The following FLII variants were observed in gnomAD, a reference collection of about 807,000 sequenced individuals.
FLII encodes FLII actin remodeling protein, also known as protein flightless-1 homolog.
A neutral mutation model predicts 156.2 loss-of-function variants in FLII; 101 were observed. The ratio of observed to expected loss-of-function variants is 0.65; its 90% confidence interval spans 0.55 to 0.76. FLII has a LOEUF of 0.76. FLII is among the 30% of genes least tolerant of loss of function. FLII has a pLI of 0.00. For missense variants in FLII, 1,675 were observed against 1,682.8 expected (o/e 1.00, Z 0.08); for synonymous variants, 767 against 685.8 (o/e 1.12, Z -1.85).
At chr17:18,256,828 G>T in intron 2 of FLII, 81 bp downstream of exon 2, 1 of 948,052 alleles carries the variant, frequency 1.1e-6, no homozygotes. Flanking sequence ...TCTCTCTGGA[G>T]AAGTTGTCTG....
rs1597900739 is a variant in FLII at position 18,247,148 on chromosome 17, CG to C, written c.2676+20del. 2.1e-6 allele frequency: 3 copies of C among 1,424,714 alleles called. No individual in the cohort carries two copies. The highest frequency in any genetic ancestry group is 2.8e-6 in the Non-Finnish European group (3 of 1,076,504). The allele number at this position is 1,424,714 out of a possible 1,614,324, so 88.3% of individuals were successfully genotyped here. The stretch of plus-strand genomic sequence containing the variant: ...GCCCCCCACCCCCCCCCCCGCGCCC[CG>C]GTCCCGGCCCTGCCCCCACCTCGGC... On this transcript the variant is annotated intron_variant, in intron 21 of 29. Transcript: ENST00000327031.
intron 6 of FLII, 26 bp from the exon 7 acceptor site, chr17:18,254,208 G>A (rs2048350612): frequency 6.4e-7 from 1 of 1,566,840 alleles, no homozygotes; most frequent in Non-Finnish European, 8.7e-7. Flanking sequence ...GAGTGGTCAG[G>A]GCCAGGGCCC....
At position 18,246,207 on chromosome 17, in the gene FLII, G is replaced by A. The variant is rs966316821; in HGVS notation, c.3222C>T (p.Asn1074=). The A allele has an allele frequency of 1.2e-6, 2 of 1,614,166 alleles. No homozygotes were observed. Among genetic ancestry groups the A allele is most frequent in the South Asian group, 1.1e-5 (1 of 91,084 alleles). ...CGGAGTTGAGGAGGCTGGAGTCGGT[G>A]TTGATCTGGATGCACCTGTGGAAGG... ...SALCTRCIQI[N]TDSSLLNSEF... The change falls in exon 25 of 30, where the codon AAC becomes AAT. Residue 1074 remains asparagine, a synonymous_variant. Coordinates refer to ENST00000327031, the MANE Select transcript of FLII (RefSeq NM_002018.4).
Position 18,244,903 on chromosome 17 carries a change from C to T in FLII, c.*235G>A, listed in dbSNP as rs767647295. 6.0e-5 allele frequency: 32 copies of T among 530,986 alleles called. No homozygotes were observed. The highest frequency in any genetic ancestry group is 8.4e-5 in the Non-Finnish European group (25 of 299,172). 32.9% of individuals were successfully genotyped at this position (530,986 alleles called of 1,614,324 possible). ...GCATCCACATCTGCTTTATCCCTAG[C>T]GGAAGAGTGAGGGGGCTTCACACGT... On this transcript the variant is annotated 3_prime_UTR_variant, in exon 30 of 30. Transcript: ENST00000327031.
intron 14 of FLII, 117 bp from the exon 15 acceptor site, chr17:18,249,525 G>A (rs1264271689): frequency 2.7e-6 from 2 of 751,212 alleles, no homozygotes; most frequent in Non-Finnish European, 4.6e-6. Context: ...ACAAATCTAT[G>A]ATGCCTGTAA....
At position 18,248,048 on chromosome 17, in the gene FLII, G is replaced by C. The variant is rs748106207; in HGVS notation, c.2191-15C>G. 6 of 1,578,832 alleles carry C rather than the reference G, an allele frequency of 3.8e-6. No individual in the cohort carries two copies. The South Asian group carries it at 6.6e-5, about 17-fold the overall frequency. ...CCCAGGCCCACCTGGCAGGAAGGAT[G>C]AGCATGGCAGGGAAGGGATCTGGAG... On this transcript the variant is annotated splice_polypyrimidine_tract_variant and intron_variant, in intron 18 of 29. Transcript: ENST00000327031.
intron 1 of FLII, 68 bp from the exon 2 acceptor site, chr17:18,257,087 A>C: frequency 9.5e-7 from 1 of 1,053,998 alleles, no homozygotes; most frequent in Non-Finnish European, 1.4e-6. Context: ...CCTCCAGCCC[A>C]TGGGAGCCTT....
At chr17:18,245,495 A>G in intron 28 of FLII, 60 bp downstream of exon 28, 1 of 1,611,716 alleles carries the variant, frequency 6.2e-7, no homozygotes, top group East Asian at 2.2e-5. Flanking sequence ...GAGAATTCCC[A>G]TTTGTAAGTA....
intron 7 of FLII, 84 bp from the exon 8 acceptor site, chr17:18,253,803 C>A (rs542679073): frequency 7.5e-7 from 1 of 1,336,048 alleles, no homozygotes; most frequent in Admixed American, 2.2e-5. Flanking sequence ...CCCAGCTCTG[C>A]CACCTCTGAG....
rs372699779 is a variant in FLII at position 18,249,301 on chromosome 17, C to A, written c.1859+25G>T. 425 of 1,609,958 alleles carry A rather than the reference C, an allele frequency of 2.6e-4. 1 individual carries two copies. In the South Asian group the frequency reaches 2.9e-3, roughly 11 times the overall value. On this transcript the variant is annotated intron_variant, in intron 15 of 29. Transcript: ENST00000327031. Reference sequence around the variant, plus strand: ...CTTGCCAGCAGACTCCAGGTCCATACCCCCCACTGCCCACACACCCTCACC... The same window carrying A: ...CTTGCCAGCAGACTCCAGGTCCATAACCCCCACTGCCCACACACCCTCACC...
At position 18,256,904 on chromosome 17, in the gene FLII, C is replaced by A. The variant is rs754517749; in HGVS notation, c.174+5G>T. The stretch of plus-strand genomic sequence containing the variant: ...ACCCTCCCCTGCCCGCCCAAACCCC[C>A]TTACCAGCTTCTGCAGGGCGGCCAG... On this transcript the variant is annotated splice_donor_5th_base_variant and intron_variant, in intron 2 of 29. Transcript: ENST00000327031. The A allele has an allele frequency of 1.3e-6, 2 of 1,598,720 alleles. No individual in the cohort carries two copies. Among genetic ancestry groups the A allele is most frequent in the East Asian group, 4.5e-5 (2 of 44,276 alleles).
chr17:18,257,179 A>G lies in FLII; in HGVS notation c.64-160T>C, dbSNP rs141130064. On this transcript the variant is annotated intron_variant, in intron 1 of 29. Coordinates refer to ENST00000327031, the MANE Select transcript of FLII (RefSeq NM_002018.4). ...TCATTGTGCCTCAATTTCTTCACCCATAGAATGGGAATTTTAAGCCCCCCC... is the reference window on the plus strand; with the variant it reads ...TCATTGTGCCTCAATTTCTTCACCCGTAGAATGGGAATTTTAAGCCCCCCC... The G allele has an allele frequency of 5.1e-4, 286 of 557,952 alleles. 3 individuals carry two copies. The highest frequency in any genetic ancestry group is 2.6e-3 in the South Asian group (113 of 44,154). The allele number at this position is 557,952 out of a possible 1,614,324, so 34.6% of individuals were successfully genotyped here.
intron 3 of FLII, among the ~76,000 whole-genome samples, chr17:18,255,827 C>T (rs2048400394): frequency 6.6e-6 from 1 of 152,348 alleles, no homozygotes; most frequent in African/African-American, 2.4e-5. Flanking sequence ...TGCTGCTTCA[C>T]GGGGTCACTG....
intron 1 of FLII, among the ~76,000 whole-genome samples, chr17:18,257,569 C>A (rs939844436): frequency 6.6e-6 from 1 of 152,242 alleles, no homozygotes; most frequent in Non-Finnish European, 1.5e-5. Context: ...CCTTGTGGCA[C>A]CAAGTCTGGG....
Position 18,256,989 on chromosome 17 carries a change from T to G in FLII, c.94A>C (p.Met32Leu). The G allele has an allele frequency of 6.2e-7, 1 of 1,611,218 alleles. No individual in the cohort carries two copies. The highest frequency in any genetic ancestry group is 2.2e-5 in the East Asian group (1 of 44,776). Reference sequence around the variant, plus strand: ...AGCTTCAGCCACCGCAGGCTGGTCATGGCCTTGACATTCTCAGGGAAGTAG... The same window carrying G: ...AGCTTCAGCCACCGCAGGCTGGTCAGGGCCTTGACATTCTCAGGGAAGTAG... ...GGYFPENVKA[M>L]TSLRWLKLNR... Residue 32 changes from methionine to leucine, a missense_variant, in exon 2 of 30, where the codon ATG becomes CTG. Coordinates refer to ENST00000327031, the MANE Select transcript of FLII (RefSeq NM_002018.4).
Position 18,249,415 on chromosome 17 carries a change from G to A in FLII, c.1777-7C>T. The A allele has an allele frequency of 6.2e-7, 1 of 1,612,516 alleles. No homozygotes were observed. The highest frequency in any genetic ancestry group is 8.5e-7 in the Non-Finnish European group (1 of 1,178,744). ...AGATGTCGTTGTCAAACACCTGTGTGTGTGAGGGTGTGGTTCTTCATCACT... is the reference window on the plus strand; with the variant it reads ...AGATGTCGTTGTCAAACACCTGTGTATGTGAGGGTGTGGTTCTTCATCACT... On this transcript the variant is annotated splice_polypyrimidine_tract_variant and splice_region_variant and intron_variant, in intron 14 of 29. Coordinates refer to ENST00000327031, the MANE Select transcript of FLII (RefSeq NM_002018.4).
At position 18,258,557 on chromosome 17, in the gene FLII, G is replaced by A. The variant is rs559793631; in HGVS notation, c.63+71C>T. On this transcript the variant is annotated intron_variant, in intron 1 of 29. Coordinates refer to ENST00000327031, the MANE Select transcript of FLII (RefSeq NM_002018.4). This position sits in a 1 kb window ranked among gnomAD's most constrained non-coding sequence, Gnocchi z 4.2. Reference sequence around the variant, plus strand: ...GGCCTGGAGCCGAGCGGGACAGGAAGCGGAGGCCAAGCGGGCCGGGCGGAA... The same window carrying A: ...GGCCTGGAGCCGAGCGGGACAGGAAACGGAGGCCAAGCGGGCCGGGCGGAA... 314 of 1,521,490 alleles carry A rather than the reference G, an allele frequency of 2.1e-4. 1 individual carries two copies. In the African/African-American group the frequency reaches 3.8e-3, roughly 19 times the overall value. 94.2% of individuals were successfully genotyped at this position (1,521,490 alleles called of 1,614,324 possible). A position where few individuals can be genotyped will look rare whatever the true frequency, so the allele number is the denominator to read the frequency against.
intron 14 of FLII, 53 bp downstream of exon 14, chr17:18,250,785 A>G (rs552840733): frequency 6.4e-7 from 1 of 1,569,288 alleles, no homozygotes; most frequent in Non-Finnish European, 8.7e-7. Flanking sequence ...CCCCTGCACC[A>G]GAGTTCCCTG....
chr17:18,246,766 T>G lies in FLII; in HGVS notation c.2879A>C (p.Glu960Ala), dbSNP rs200248186. The G allele has an allele frequency of 3.0e-5, 48 of 1,613,960 alleles. No homozygotes were observed. In the East Asian group the frequency reaches 1.0e-3, roughly 34 times the overall value. ...GGTTGCTTCCTCGCCTTCTTTGCCCTCGGCCTTCTCCTCCTTGTCTTCCTT... is the reference window on the plus strand; with the variant it reads ...GGTTGCTTCCTCGCCTTCTTTGCCCGCGGCCTTCTCCTCCTTGTCTTCCTT... ...EKKEDKEEKA[E>A]GKEGEEATAE... The change falls in exon 23 of 30, where the codon GAG becomes GCG. Residue 960 changes from glutamate (E) to alanine (A), a missense_variant. Coordinates refer to ENST00000327031, the MANE Select transcript of FLII (RefSeq NM_002018.4).
Sources: gnomAD v4.1 joint callset for allele counts (sites outside exome capture counted in the v4.1 genomes callset) on GRCh38, gnomAD v4.1.1 for gene constraint, Gnocchi (gnomAD v3.1) non-coding constraint, MANE v1.5 for transcripts, NCBI Gene and HGNC (gene_info 2026-07-23, HGNC 2026-07-21) for gene names.